The following FAM86B2 variants were observed in gnomAD, a reference collection of about 807,000 sequenced individuals.
The protein encoded by FAM86B2 is putative protein N-methyltransferase FAM86B2.
In FAM86B2, 1 loss-of-function variant was observed where a neutral mutation model predicts 26.5. The observed-to-expected ratio is 0.04, with a 90% CI of 0.01 to 0.18. The LOEUF is 0.18. Among genes scored for constraint, FAM86B2 ranks in the 10% least tolerant of loss-of-function variants. The pLI is 1.00. For synonymous variants in FAM86B2, 11 were observed against 127.8 expected (o/e 0.09, Z 6.17); for missense variants, 43 against 303.5 (o/e 0.14, Z 6.38).
chr8:12,429,544 T>C lies in FAM86B2; in HGVS notation c.343-430A>G, dbSNP rs1163506422. ...TGGAGTCAGTGGCACGATCTTGGCT[T>C]ACTGCAACATCTGCCTCCTGGGTTC... On this transcript the variant is annotated intron_variant, in intron 4 of 7. Transcript: ENST00000262365. Among the ~76,000 whole-genome samples the C allele has an allele frequency of 3.6e-3, 246 of 68,456 alleles. 2 individuals are homozygous for C. The highest frequency in any genetic ancestry group is 0.011 in the African/African-American group (187 of 17,048). The allele number at this position is 68,456 out of a possible 152,430, so 44.9% of individuals were successfully genotyped here.
chr8:12,428,355 C>T (rs371491948), intron 6 of FAM86B2, among the ~76,000 whole-genome samples: 15,084 of 140,636 alleles, frequency 0.11, 216 homozygotes, highest in African/African-American at 0.32. Context: ...TTTCCTCCTG[C>T]GGTCTCTGAA....
intron 2 of FAM86B2, among the ~76,000 whole-genome samples, chr8:12,433,582 G>A (rs77086340): frequency 0.21 from 29,291 of 140,464 alleles, 314 homozygotes; most frequent in African/African-American, 0.3. Flanking sequence ...GTCAGCCTGT[G>A]GCTGGGCCAG....
chr8:12,427,271 C>T (rs1289560541), intron 7 of FAM86B2, among the ~76,000 whole-genome samples: 2 of 84,926 alleles, frequency 2.4e-5, no homozygotes, highest in African/African-American at 3.7e-5. Context: ...AGGACAGTGG[C>T]GTGGTGGATC....
At chr8:12,434,610 A>G (rs1201556147) in intron 1 of FAM86B2, among the ~76,000 whole-genome samples, 1 of 130,700 alleles carries the variant, frequency 7.7e-6, no homozygotes, top group African/African-American at 3.0e-5. Context: ...TCTATGCCAT[A>G]AAAGGCCCTA....
chr8:12,424,569 C>T lies in FAM86B2; in HGVS notation c.*1320G>A. 8.8e-6 allele frequency among the ~76,000 whole-genome samples: 1 copy of T among 113,404 alleles called. No homozygotes were observed. Among genetic ancestry groups the T allele is most frequent in the Non-Finnish European group, 1.9e-5 (1 of 52,212 alleles). 74.4% of individuals were successfully genotyped at this position (113,404 alleles called of 152,430 possible). A position where few individuals can be genotyped will look rare whatever the true frequency, so the allele number is the denominator to read the frequency against. On this transcript the variant is annotated 3_prime_UTR_variant, in exon 8 of 8. Transcript: ENST00000262365. Reference sequence around the variant, plus strand: ...CCTTGTTACCCACAGATGGGTGGGACTGTGTTGGCCAGAGGCCGAGAGGAG... The same window carrying T: ...CCTTGTTACCCACAGATGGGTGGGATTGTGTTGGCCAGAGGCCGAGAGGAG...
chr8:12,435,734 AG>A (rs1390056706), intron 1 of FAM86B2, among the ~76,000 whole-genome samples: 1 of 140,040 alleles, frequency 7.1e-6, no homozygotes, highest in Non-Finnish European at 1.6e-5. Context: ...GGGAGAGGAG[AG>A]GCCACCCCCT....
At position 12,436,239 on chromosome 8, in the gene FAM86B2, GC is replaced by G; in HGVS notation, c.96+8del. 2 of 1,268,666 alleles carry G rather than the reference GC, an allele frequency of 1.6e-6. No homozygotes were observed. The highest frequency in any genetic ancestry group is 1.5e-5 in the African/African-American group (1 of 67,524). The allele number at this position is 1,268,666 out of a possible 1,614,324, so 78.6% of individuals were successfully genotyped here. On this transcript the variant is annotated splice_region_variant and intron_variant, in intron 1 of 7. Transcript: ENST00000262365. ...CCCCGCGGGCCTCTCCGCTCGCCCC[GC>G]CGCCCACCTGCCAGGGGAAGGAGCG...
At chr8:12,429,616 G>A (rs1289310435) in intron 4 of FAM86B2, among the ~76,000 whole-genome samples, 4 of 20,768 alleles carry the variant, frequency 1.9e-4, no homozygotes, top group South Asian at 3.8e-3. Context: ...GACTACAGGC[G>A]TGTGCCACCA....
chr8:12,433,423 GC>G (rs1327979475), intron 2 of FAM86B2, among the ~76,000 whole-genome samples: 2 of 137,942 alleles, frequency 1.4e-5, no homozygotes, highest in Non-Finnish European at 3.1e-5. Context: ...GAGGATGTCT[GC>G]CTCCCCTGAG....
chr8:12,435,926 A>G (rs1296280343), intron 1 of FAM86B2, among the ~76,000 whole-genome samples: 1 of 150,672 alleles, frequency 6.6e-6, no homozygotes, highest in African/African-American at 2.5e-5. Context: ...GGGCGAGTGC[A>G]GCTGTGTCCC....
chr8:12,426,470 T>TTTC (rs1812651590), intron 7 of FAM86B2, among the ~76,000 whole-genome samples: 1 of 4,104 alleles, frequency 2.4e-4, no homozygotes, highest in Non-Finnish European at 4.3e-4. Context: ...AAGACTTCCT[T>TTTC]TTTTTTTTTT....
Position 12,429,044 on chromosome 8 carries a change from G to A in FAM86B2, c.413C>T (p.Thr138Ile), listed in dbSNP as rs1813153299. 2.4e-6 allele frequency: 1 copy of A among 422,212 alleles called. No individual in the cohort carries two copies. Among genetic ancestry groups the A allele is most frequent in the South Asian group, 2.2e-5 (1 of 45,334 alleles). The allele number at this position is 422,212 out of a possible 1,614,324, so 26.2% of individuals were successfully genotyped here. ...TGCAAGGTAGAGGGCGGCATCCCAT[G>A]TGACCAGGCCTGTGGTACCGTGGGA... ...IISHGTTGLV[T>I]WDAALYLAEW... Residue 138 changes from threonine (T) to isoleucine (I), a missense_variant, in exon 5 of 8, where the codon ACA becomes ATA. Thr to Ile is a moderately conservative substitution (Grantham distance 89). Coordinates refer to ENST00000262365, the MANE Select transcript of FAM86B2 (RefSeq NM_001137610.3).
rs1419648052 is a variant in FAM86B2 at position 12,427,754 on chromosome 8, C to T, written c.795G>A (p.Arg265=). ...AIVSLVGVLQ[R]LAACREHKRA... ...GCTTGTGCTCCCGGCAGGCAGCCAG[C>T]CTCTGCAGGACCCCGACCAGCGACA... Residue 265 remains arginine, a synonymous_variant, in exon 7 of 8, where the codon AGG becomes AGA. Coordinates refer to ENST00000262365, the MANE Select transcript of FAM86B2 (RefSeq NM_001137610.3). 1.9e-6 allele frequency: 2 copies of T among 1,048,506 alleles called. 1 individual carries two copies. The highest frequency in any genetic ancestry group is 4.0e-5 in the African/African-American group (2 of 49,408). 65.0% of individuals were successfully genotyped at this position (1,048,506 alleles called of 1,614,324 possible).
Position 12,428,331 on chromosome 8 carries a change from C to T in FAM86B2, c.742+302G>A, listed in dbSNP as rs1400113339. On this transcript the variant is annotated intron_variant, in intron 6 of 7. Transcript: ENST00000262365. ...TTCTCTCAAGGGCCCTGACCTCGTA[C>T]CAGAAGTGGTTGTTTTCCTCCTGCG... 4.0e-5 allele frequency among the ~76,000 whole-genome samples: 6 copies of T among 151,036 alleles called. No homozygotes were observed. In the East Asian group the frequency reaches 6.0e-4, roughly 15 times the overall value.
At chr8:12,428,356 G>C (rs1225477282) in intron 6 of FAM86B2, among the ~76,000 whole-genome samples, 1 of 151,672 alleles carries the variant, frequency 6.6e-6, no homozygotes, top group Admixed American at 6.6e-5. Context: ...TTCCTCCTGC[G>C]GTCTCTGAAG....
At chr8:12,426,665 G>A (rs1465371279) in intron 7 of FAM86B2, among the ~76,000 whole-genome samples, 2 of 37,650 alleles carry the variant, frequency 5.3e-5, no homozygotes, top group South Asian at 8.8e-4. Flanking sequence ...GCTAGTTTCT[G>A]TATGTTTTGT....
intron 1 of FAM86B2, among the ~76,000 whole-genome samples, chr8:12,435,507 G>A (rs951960479): frequency 2.2e-5 from 3 of 134,802 alleles, no homozygotes; most frequent in Non-Finnish European, 4.9e-5. Flanking sequence ...AATGATCTCT[G>A]AGTGCTAAAT....
Position 12,430,242 on chromosome 8 carries a change from GAC to G in FAM86B2, c.342+106_342+107del, listed in dbSNP as rs1290521725. 29 of 1,347,570 alleles carry G rather than the reference GAC, an allele frequency of 2.2e-5. 1 individual carries two copies. The Middle Eastern group carries it at 8.2e-4, about 38-fold the overall frequency. The allele number at this position is 1,347,570 out of a possible 1,614,324, so 83.5% of individuals were successfully genotyped here. ...GAAGGTTAATGGACCTCATGTCTAA[GAC>G]TGCAGAATGGGTGAGTCAGGATTTG... On this transcript the variant is annotated intron_variant, in intron 4 of 7. Transcript: ENST00000262365.
chr8:12,432,927 T>C, intron 2 of FAM86B2, among the ~76,000 whole-genome samples: 1 of 149,138 alleles, frequency 6.7e-6, no homozygotes, highest in Non-Finnish European at 1.5e-5. Flanking sequence ...GGCCCGATCT[T>C]GGCTCACTGC....
Sources: allele counts gnomAD v4.1 joint callset (sites outside exome capture counted in the v4.1 genomes callset), GRCh38; gene constraint gnomAD v4.1.1; transcripts MANE v1.5; gene names NCBI Gene and HGNC (gene_info 2026-07-23, HGNC 2026-07-21).